ADGRG7: variants seen among roughly 807,000 people sequenced by gnomAD.
ADGRG7 encodes the protein G-protein coupled receptor 128.
Under a neutral mutation model 88.6 loss-of-function variants are expected in ADGRG7, and 82 were observed. That is an observed-to-expected ratio of 0.93 (90% CI 0.77 to 1.11). The LOEUF (loss-of-function observed/expected upper bound fraction) is 1.11, where lower values mean the gene tolerates loss of function less well. Ranked by LOEUF, ADGRG7 falls within the 50% of genes most tolerant of loss-of-function variation. The pLI is 0.00. For synonymous variants in ADGRG7, 381 were observed against 345.2 expected (o/e 1.10, Z -1.15); for missense variants, 945 against 953.4 (o/e 0.99, Z 0.12).
At chr3:100,638,348 C>A (rs184899715) in intron 6 of ADGRG7, among the ~76,000 whole-genome samples, 1 of 152,160 alleles carries the variant, frequency 6.6e-6, no homozygotes, top group Admixed American at 6.5e-5. Flanking sequence ...GGGCAGGTTG[C>A]TCTCCCCTGA....
intron 1 of ADGRG7, among the ~76,000 whole-genome samples, chr3:100,614,951 T>C (rs550125877): frequency 9.2e-5 from 14 of 152,292 alleles, no homozygotes; most frequent in African/African-American, 3.4e-4. Flanking sequence ...TTGTACAATT[T>C]AAAAGAATAT....
chr3:100,625,763 C>A (rs939662899), intron 1 of ADGRG7, among the ~76,000 whole-genome samples: 3 of 152,052 alleles, frequency 2.0e-5, no homozygotes, highest in Non-Finnish European at 4.4e-5. Context: ...TATTGAAGTC[C>A]TTTTCTGCAT....
chr3:100,655,800 C>A, intron 12 of ADGRG7, 99 bp from the exon 13 acceptor site: 1 of 728,876 alleles, frequency 1.4e-6, no homozygotes, highest in Non-Finnish European at 2.4e-6. Flanking sequence ...AAACAACATA[C>A]ATCCTGAAGA....
At chr3:100,690,126 A>G (rs570795128) in intron 15 of ADGRG7, among the ~76,000 whole-genome samples, 51 of 152,152 alleles carry the variant, frequency 3.4e-4, no homozygotes, top group African/African-American at 1.2e-3. Context: ...CATTCATTTC[A>G]TCTTCCATCG....
intron 1 of ADGRG7, among the ~76,000 whole-genome samples, chr3:100,626,778 C>T (rs1029753763): frequency 1.3e-5 from 2 of 151,986 alleles, no homozygotes; most frequent in Admixed American, 6.6e-5. Context: ...GAGCAAGACT[C>T]CGTCAAAAGA....
chr3:100,658,979 G>T lies in ADGRG7; in HGVS notation c.1824-709G>T, dbSNP rs190942226. On this transcript the variant is annotated intron_variant, in intron 13 of 15. Transcript: ENST00000273352. ...ATTCTTTCAACAATGCCTGTAGGTG[G>T]TTACTATTATTCTCACCTCAGATGA... 4.7e-5 allele frequency among the ~76,000 whole-genome samples: 7 copies of T among 149,246 alleles called. No individual in the cohort carries two copies. In the East Asian group the frequency reaches 1.5e-3, roughly 32 times the overall value.
In ADGRG7 at chr3:100,675,898, T is replaced by C. The variant is rs557447907; in HGVS notation, c.2136+6793T>C. 1.1e-3 allele frequency among the ~76,000 whole-genome samples: 169 copies of C among 152,250 alleles called. 1 individual carries two copies. The highest frequency in any genetic ancestry group is 3.9e-3 in the African/African-American group (162 of 41,572). ...GGTTTTCTAATTTATTGGCATATAG[T>C]TGCTCATAGTAGCCACTAATGATCC... is the stretch of plus-strand genomic sequence containing the variant. On this transcript the variant is annotated intron_variant, in intron 15 of 15. Coordinates refer to ENST00000273352, the MANE Select transcript of ADGRG7 (RefSeq NM_032787.3).
chr3:100,674,422 A>T (rs1245642889), intron 15 of ADGRG7, among the ~76,000 whole-genome samples: 2 of 152,164 alleles, frequency 1.3e-5, no homozygotes, highest in Non-Finnish European at 2.9e-5. Context: ...CAATCCATGA[A>T]CATGGAATCT....
rs115863626 is a variant in ADGRG7, at chr3:100,633,942, G to C, written c.447+565G>C. Among the ~76,000 whole-genome samples, 1,150 of 152,274 alleles carry C rather than the reference G, an allele frequency of 7.6e-3. 5 individuals are homozygous for C. Among genetic ancestry groups the C allele is most frequent in the South Asian group, 0.013 (61 of 4,818 alleles). ...TAAAAATGGCTTCATCTTTGTGGAA[G>C]TTTTGACTGGATATAGATCCCTGAC... is the stretch of plus-strand genomic sequence containing the variant. On this transcript the variant is annotated intron_variant, in intron 4 of 15. Coordinates refer to ENST00000273352, the MANE Select transcript of ADGRG7 (RefSeq NM_032787.3).
intron 15 of ADGRG7, among the ~76,000 whole-genome samples, chr3:100,687,012 G>C (rs1251740740): frequency 6.6e-6 from 1 of 152,156 alleles, no homozygotes; most frequent in African/African-American, 2.4e-5. Context: ...CTACCCATGA[G>C]CATGGAATGT....
At chr3:100,627,116 T>C (rs1003915126) in intron 1 of ADGRG7, among the ~76,000 whole-genome samples, 3 of 152,178 alleles carry the variant, frequency 2.0e-5, no homozygotes, top group African/African-American at 7.2e-5. Context: ...TGAATCGAAG[T>C]GGTTATAGCA....
At chr3:100,611,422 G>A (rs534339679) in intron 1 of ADGRG7, among the ~76,000 whole-genome samples, 1 of 151,666 alleles carries the variant, frequency 6.6e-6, no homozygotes, top group Non-Finnish European at 1.5e-5. Flanking sequence ...CACAGTTATA[G>A]CAAAACCATT....
In ADGRG7 at chr3:100,637,355, T is replaced by G; in HGVS notation, c.651T>G (p.Asp217Glu). 1 of 1,613,988 alleles carries G rather than the reference T, an allele frequency of 6.2e-7. No individual in the cohort carries two copies. The highest frequency in any genetic ancestry group is 1.1e-5 in the South Asian group (1 of 91,088). The change falls in exon 6 of 16, where the codon GAT becomes GAG. Residue 217 changes from aspartate (D) to glutamate (E), a missense_variant. Asp to Glu is a conservative substitution (Grantham distance 45). Transcript: ENST00000273352. The part of the protein sequence containing the change: ...TVSQLLDASE[D>E]AFQRVAATAN... The stretch of plus-strand genomic sequence containing the variant: ...GTCAACTCCTAGATGCCAGTGAAGA[T>G]GCTTTTCAAAGAGTTGCTGCTACTG...
At chr3:100,654,036 C>T (rs1167087589) in intron 11 of ADGRG7, among the ~76,000 whole-genome samples, 2 of 152,136 alleles carry the variant, frequency 1.3e-5, no homozygotes, top group African/African-American at 2.4e-5. Flanking sequence ...GAGAGTCCTG[C>T]TACTAGGCTT....
chr3:100,662,601 T>C (rs2094946929), intron 14 of ADGRG7, among the ~76,000 whole-genome samples: 1 of 152,116 alleles, frequency 6.6e-6, no homozygotes, highest in Admixed American at 6.5e-5. Flanking sequence ...CCACACTAAA[T>C]AATACTGTGA....
At position 100,695,256 on chromosome 3, in the gene ADGRG7, G is replaced by A. The variant is rs115293316; in HGVS notation, c.*255G>A. On this transcript the variant is annotated 3_prime_UTR_variant, in exon 16 of 16. Coordinates refer to ENST00000273352, the MANE Select transcript of ADGRG7 (RefSeq NM_032787.3). Reference sequence around the variant, plus strand: ...CAAGAGTACCATTGTTCCTTATATCGTTAAATCTTTGTGACACACTTTGAC... The same window carrying A: ...CAAGAGTACCATTGTTCCTTATATCATTAAATCTTTGTGACACACTTTGAC... 3.4e-3 allele frequency: 1,288 copies of A among 380,330 alleles called. 11 individuals are homozygous for A. The highest frequency in any genetic ancestry group is 0.024 in the African/African-American group (1,171 of 48,314). The allele number at this position is 380,330 out of a possible 1,614,324, so 23.6% of individuals were successfully genotyped here.
In ADGRG7 at chr3:100,664,905, A is replaced by G. The variant is rs559351626; in HGVS notation, c.1980-4044A>G. 2.4e-4 allele frequency: 76 copies of G among 322,436 alleles called. 1 individual carries two copies. Among genetic ancestry groups the G allele is most frequent in the Admixed American group, 4.6e-4 (10 of 21,794 alleles). The allele number at this position is 322,436 out of a possible 1,614,324, so 20.0% of individuals were successfully genotyped here. The stretch of plus-strand genomic sequence containing the variant: ...TATAAAGATGATTTCATCTTTGATC[A>G]AACTTTGCACAAATGAAGAATTTTT... On this transcript the variant is annotated intron_variant, in intron 14 of 15. Coordinates refer to ENST00000273352, the MANE Select transcript of ADGRG7 (RefSeq NM_032787.3).
intron 11 of ADGRG7, chr3:100,654,504 G>C (rs1371903798): frequency 4.8e-6 from 1 of 206,920 alleles, no homozygotes; most frequent in African/African-American, 2.3e-5. Context: ...CCAGGTTACT[G>C]TGAAGGGACT....
At position 100,610,770 on chromosome 3, in the gene ADGRG7, A is replaced by C. The variant is rs749418108; in HGVS notation, c.115+799A>C. ...ACTCCCTTTCGTGAAAATCAGAGAA[A>C]GCTTCTAATGAAACAATAAATAAGG... On this transcript the variant is annotated intron_variant, in intron 1 of 15. Transcript: ENST00000273352. 1.9e-4 allele frequency among the ~76,000 whole-genome samples: 29 copies of C among 152,346 alleles called. 1 individual carries two copies. The South Asian group carries it at 5.2e-3, about 27-fold the overall frequency.
Sources: gnomAD v4.1 joint callset for allele counts (sites outside exome capture counted in the v4.1 genomes callset) on GRCh38, gnomAD v4.1.1 for gene constraint, MANE v1.5 for transcripts, NCBI Gene and HGNC (gene_info 2026-07-23, HGNC 2026-07-21) for gene names.